The following NCOA2 variants were observed in gnomAD, a reference collection of about 807,000 sequenced individuals.
The protein encoded by NCOA2 is nuclear receptor coactivator 2, also known as class E basic helix-loop-helix protein 75.
A neutral mutation model predicts 145.1 loss-of-function variants in NCOA2; 21 were observed. The observed-to-expected ratio is 0.14, with a 90% CI of 0.10 to 0.21. The LOEUF is 0.21. NCOA2 is among the 10% of genes least tolerant of loss of function. The probability of loss-of-function intolerance (pLI) is 1.00; values close to 1 mark genes in which losing one functional copy is unlikely to be tolerated. For missense variants in NCOA2, 1,472 were observed against 1,837.6 expected, an observed-to-expected ratio of 0.80 and a Z score of 3.64; for synonymous variants, 619 against 637.5, an observed-to-expected ratio of 0.97 and a Z score of 0.44.
intron 4 of NCOA2, among the ~76,000 whole-genome samples, chr8:70,211,539 T>C (rs1819028597): frequency 6.6e-6 from 1 of 152,116 alleles, no homozygotes; most frequent in African/African-American, 2.4e-5. Flanking sequence ...ATGACAGGTG[T>C]TTACTGAATT....
chr8:70,221,117 G>A (rs928785743), intron 2 of NCOA2, among the ~76,000 whole-genome samples: 9 of 152,258 alleles, frequency 5.9e-5, no homozygotes, highest in African/African-American at 1.4e-4. Flanking sequence ...AGAGATTTCC[G>A]AGGTTCCTTC....
intron 1 of NCOA2, among the ~76,000 whole-genome samples, chr8:70,394,499 G>T (rs976621668): frequency 1.3e-5 from 2 of 152,132 alleles, no homozygotes; most frequent in Non-Finnish European, 2.9e-5. Flanking sequence ...CATCACACTT[G>T]TATGAAAAAG....
chr8:70,270,222 A>C (rs1824940355), intron 2 of NCOA2, among the ~76,000 whole-genome samples: 2 of 152,032 alleles, frequency 1.3e-5, no homozygotes. Context: ...AAAAGAAAAG[A>C]GAACATTAGG....
chr8:70,194,000 A>G (rs1265381580), intron 4 of NCOA2, among the ~76,000 whole-genome samples: 9 of 152,346 alleles, frequency 5.9e-5, no homozygotes, highest in African/African-American at 1.9e-4. Flanking sequence ...CAAAAAAGAC[A>G]GCTCCAACTG....
intron 2 of NCOA2, among the ~76,000 whole-genome samples, chr8:70,266,822 A>T (rs1004275131): frequency 2.0e-5 from 3 of 152,214 alleles, no homozygotes; most frequent in African/African-American, 7.2e-5. Flanking sequence ...GCCTATATAT[A>T]TACTACGCAT....
At chr8:70,217,968 G>GA (rs112811456) in intron 2 of NCOA2, among the ~76,000 whole-genome samples, 4,368 of 133,128 alleles carry the variant, frequency 0.033, 165 homozygotes, top group African/African-American at 0.097. Flanking sequence ...TTTCTGGATA[G>GA]AAAAAAAAAA....
chr8:70,376,086 T>C (rs572790304), intron 1 of NCOA2, among the ~76,000 whole-genome samples: 1 of 152,226 alleles, frequency 6.6e-6, no homozygotes, highest in Non-Finnish European at 1.5e-5. Context: ...TGTCTGAGAG[T>C]CGTTATTCCG....
chr8:70,320,088 C>T (rs1401804686), intron 1 of NCOA2, among the ~76,000 whole-genome samples: 2 of 152,060 alleles, frequency 1.3e-5, no homozygotes, highest in East Asian at 3.8e-4. Context: ...TTTAAAATTC[C>T]TTTGCAGTAA....
chr8:70,222,693 T>C (rs1193635281), intron 2 of NCOA2, among the ~76,000 whole-genome samples: 1 of 152,228 alleles, frequency 6.6e-6, no homozygotes, highest in Admixed American at 6.5e-5. Context: ...TAACACATGC[T>C]GCAATAATCA....
intron 1 of NCOA2, among the ~76,000 whole-genome samples, chr8:70,400,434 C>T (rs1381036874): frequency 6.6e-6 from 1 of 152,060 alleles, no homozygotes; most frequent in Non-Finnish European, 1.5e-5. Context: ...TTCTCTCTGC[C>T]ACCAAGAATC....
Position 70,148,275 on chromosome 8 carries a change from C to A in NCOA2, c.2603G>T (p.Ser868Ile). Residue 868 changes from serine to isoleucine, a missense_variant and splice_region_variant, in exon 12 of 23, where the codon AGC (serine) becomes ATC (isoleucine). Ser to Ile is a moderately radical substitution (Grantham distance 142). Around this residue, in one of 4 missense-constraint regions of NCOA2, gnomAD observed 953 missense variants for 1,062.1 expected, o/e 0.90. Coordinates refer to ENST00000452400, the MANE Select transcript of NCOA2 (RefSeq NM_006540.4). Reference sequence around the variant, plus strand: ...AACCAGCCATTTCTCATACTCACTGCTCTGTGAAATTCGCAGTGCTGTTTT... The same window carrying A: ...AACCAGCCATTTCTCATACTCACTGATCTGTGAAATTCGCAGTGCTGTTTT... The part of the protein sequence containing the change: ...AQKTALRISQ[S>I]TFNNPRPGQL... The A allele has an allele frequency of 6.2e-7, 1 of 1,613,648 alleles. No individual in the cohort carries two copies. Among genetic ancestry groups the A allele is most frequent in the Non-Finnish European group, 8.5e-7 (1 of 1,179,602 alleles).
At chr8:70,217,474 G>A (rs891536937) in intron 2 of NCOA2, among the ~76,000 whole-genome samples, 5 of 152,032 alleles carry the variant, frequency 3.3e-5, no homozygotes, top group African/African-American at 4.8e-5. Context: ...ACATCCTGCC[G>A]CCTCCAAACT....
chr8:70,423,222 TGCTCAGGCTGTAGTGCAATG>T, the NCOA2 span, among the ~76,000 whole-genome samples: 2 of 152,202 alleles, frequency 1.3e-5, no homozygotes, highest in Non-Finnish European at 2.9e-5. Context: ...TTGTTCTTGT[TGCTCAGGCTGTAGTGCAATG>T]GCACGATCTT....
chr8:70,328,170 T>C (rs1806764337), intron 1 of NCOA2, among the ~76,000 whole-genome samples: 1 of 152,224 alleles, frequency 6.6e-6, no homozygotes. Flanking sequence ...TAAATGGCAC[T>C]GAACTTGGAA....
At chr8:70,406,391 T>C (rs1472911380), upstream of NCOA2, among the ~76,000 whole-genome samples, 1 of 151,636 alleles carries the variant, frequency 6.6e-6, no homozygotes, top group Non-Finnish European at 1.5e-5. Context: ...TAATGTAAAA[T>C]GAAAAGGTAG....
chr8:70,237,064 T>C (rs1245804700), intron 2 of NCOA2, among the ~76,000 whole-genome samples: 3 of 152,246 alleles, frequency 2.0e-5, no homozygotes, highest in Non-Finnish European at 2.9e-5. Context: ...CACAAGTACT[T>C]AATATTCATG....
At position 70,148,926 on chromosome 8, in the gene NCOA2, C is replaced by T. The variant is rs1046815826; in HGVS notation, c.2395-443G>A. On this transcript the variant is annotated intron_variant, in intron 11 of 22. Transcript: ENST00000452400. ...CAAAAAACTGGCATATAATGTAATC[C>T]AAATTTGCACCCAATCAGTATTTAA... Among the ~76,000 whole-genome samples the T allele has an allele frequency of 1.4e-4, 22 of 151,836 alleles. 1 individual carries two copies. Among genetic ancestry groups the T allele is most frequent in the African/African-American group, 5.3e-4 (22 of 41,334 alleles).
upstream of NCOA2, among the ~76,000 whole-genome samples, chr8:70,404,284 A>G (rs568128816): frequency 6.6e-6 from 1 of 152,304 alleles, no homozygotes; most frequent in South Asian, 2.1e-4. Context: ...AAAGAAAACT[A>G]GCGACTGGGA....
the NCOA2 span, among the ~76,000 whole-genome samples, chr8:70,429,835 G>A: frequency 6.6e-6 from 1 of 152,240 alleles, no homozygotes; most frequent in South Asian, 2.1e-4. Context: ...TTTAGTTAAA[G>A]GACCTTTGCT....
Sources: allele counts gnomAD v4.1 joint callset (sites outside exome capture counted in the v4.1 genomes callset), GRCh38; gene constraint gnomAD v4.1.1; regional missense constraint gnomAD v4.1.1; transcripts MANE v1.5; gene names NCBI Gene and HGNC (gene_info 2026-07-23, HGNC 2026-07-21).